Variants in VPS13C observed in about 807,000 individuals in gnomAD.
VPS13C encodes intermembrane lipid transfer protein VPS13C.
In VPS13C, 358 loss-of-function variants were observed where a neutral mutation model predicts 456.8. The observed-to-expected ratio is 0.78, with a 90% CI of 0.72 to 0.86. The LOEUF (loss-of-function observed/expected upper bound fraction) is 0.86. Among genes scored for constraint, VPS13C ranks in the 40% least tolerant of loss-of-function variants. The pLI is 0.00. For missense variants in VPS13C, 4,818 were observed against 4,385.4 expected (o/e 1.10, Z -2.79); for synonymous variants, 1,578 against 1,486.7 (o/e 1.06, Z -1.41).
At chr15:61,864,656 C>T in intron 81 of VPS13C, 1 of 985,378 alleles carries the variant, frequency 1.0e-6, no homozygotes, top group Non-Finnish European at 1.2e-6. Flanking sequence ...CATTCCTTGA[C>T]AATTGCAAAA....
chr15:61,917,418 C>T lies in VPS13C; in HGVS notation c.7978G>A (p.Val2660Ile). ...GGATAAAGATGAATAATGTAAGCTACATCCCAGTCTTCCCCATGTGTACAT... is the reference window on the plus strand; with the variant it reads ...GGATAAAGATGAATAATGTAAGCTATATCCCAGTCTTCCCCATGTGTACAT... ...YICTHGEDWD[V>I]AYIIHLYPSL... Residue 2660 changes from valine (V) to isoleucine (I), a missense_variant, in exon 60 of 85, where the codon GTA becomes ATA. Coordinates refer to ENST00000644861, the MANE Select transcript of VPS13C (RefSeq NM_020821.3). 1 of 1,613,954 alleles carries T rather than the reference C, an allele frequency of 6.2e-7. No individual in the cohort carries two copies. The highest frequency in any genetic ancestry group is 8.5e-7 in the Non-Finnish European group (1 of 1,179,876).
rs1302607668 is a variant in VPS13C, at chr15:61,947,293, G to A, written c.4776C>T (p.Ser1592=). 3.7e-6 allele frequency: 6 copies of A among 1,607,788 alleles called. No homozygotes were observed. Among genetic ancestry groups the A allele is most frequent in the Non-Finnish European group, 4.2e-6 (5 of 1,177,732 alleles). ...TCTTTAAATCAAACACATCCTTTTGGGAAATGTTGCTGGATACTAAAAAAT... is the reference window on the plus strand; with the variant it reads ...TCTTTAAATCAAACACATCCTTTTGAGAAATGTTGCTGGATACTAAAAAAT... The part of the protein sequence containing the change: ...IAVKAVSSNI[S]QKDVFDLKIT... The change falls in exon 43 of 85, where the codon TCC becomes TCT. Residue 1592 remains serine, a synonymous_variant. Transcript: ENST00000644861.
Position 62,023,502 on chromosome 15 carries a change from T to C in VPS13C, c.533A>G (p.Lys178Arg). The C allele has an allele frequency of 6.4e-7, 1 of 1,570,298 alleles. No individual in the cohort carries two copies. The highest frequency in any genetic ancestry group is 1.4e-5 in the African/African-American group (1 of 72,522). ...CAATTTTTCCACAAATGTATCCTTT[T>C]TGGCTTCTTTTGGCTTATCTATTAA... Reference protein sequence around the residue: ...DRSKDKPKEAKKDTFVEKLAT... With the variant: ...DRSKDKPKEARKDTFVEKLAT... The change falls in exon 8 of 85, where the codon AAA becomes AGA. Residue 178 changes from lysine (K) to arginine (R), a missense_variant. Coordinates refer to ENST00000644861, the MANE Select transcript of VPS13C (RefSeq NM_020821.3).
Position 61,907,293 on chromosome 15 carries a change from C to G in VPS13C, c.9076G>C (p.Ala3026Pro). Reference protein sequence around the residue: ...GTRKLTWTYAANVGEHDLLKD... With the variant: ...GTRKLTWTYAPNVGEHDLLKD... ...AACAGATCATGTTCCCCAACATTTG[C>G]TGCATATGTCCATGTAAGTTTTCTG... is the stretch of plus-strand genomic sequence containing the variant. Residue 3026 changes from alanine to proline, a missense_variant, in exon 66 of 85, where the codon GCA (alanine) becomes CCA (proline). This residue lies in a region of VPS13C where 4,552 missense variants were observed against 4,130.6 expected (regional missense o/e 1.10). Transcript: ENST00000644861. 1 of 1,613,946 alleles carries G rather than the reference C, an allele frequency of 6.2e-7. No homozygotes were observed. The highest frequency in any genetic ancestry group is 1.1e-5 in the South Asian group (1 of 91,084).
At chr15:61,962,249 CATAAAT>C (rs2045233417) in intron 34 of VPS13C, 116 bp downstream of exon 34, 9 of 856,132 alleles carry the variant, frequency 1.1e-5, no homozygotes, top group Non-Finnish European at 1.6e-5. Flanking sequence ...TACATTCACG[CATAAAT>C]ATAATTAAAA....
intron 14 of VPS13C, among the ~76,000 whole-genome samples, chr15:62,008,071 A>G (rs2046912386): frequency 6.6e-6 from 1 of 152,248 alleles, no homozygotes; most frequent in Non-Finnish European, 1.5e-5. Context: ...GTCTCTACTA[A>G]AAATACAAAA....
Position 61,950,401 on chromosome 15 carries a change from G to A in VPS13C, c.4553C>T (p.Pro1518Leu), listed in dbSNP as rs2044746832. Reference sequence around the variant, plus strand: ...ACTGTCATGAATAGTTTTAAATTCTGGTCCATCACTGTCTGCCTACAAATA... The same window carrying A: ...ACTGTCATGAATAGTTTTAAATTCTAGTCCATCACTGTCTGCCTACAAATA... Reference protein sequence around the residue: ...MLLTKADSDGPEFKTIHDSTK... With the variant: ...MLLTKADSDGLEFKTIHDSTK... Residue 1518 changes from proline (P) to leucine (L), a missense_variant, in exon 41 of 85, where the codon CCA becomes CTA. By Grantham distance (98) the Pro-to-Leu change is moderately conservative. This residue lies in a region of VPS13C where 4,552 missense variants were observed against 4,130.6 expected (regional missense o/e 1.10). Coordinates refer to ENST00000644861, the MANE Select transcript of VPS13C (RefSeq NM_020821.3). The A allele has an allele frequency of 6.2e-7, 1 of 1,611,596 alleles. No homozygotes were observed.
At position 61,867,228 on chromosome 15, in the gene VPS13C, A is replaced by C. The variant is rs1894656923; in HGVS notation, c.10863+1431T>G. The stretch of plus-strand genomic sequence containing the variant: ...TAATTATGAAATAAGCATAACCAAC[A>C]AGGAGATTCAATTTTTGAAAAGCAG... On this transcript the variant is annotated intron_variant, in intron 81 of 84. Transcript: ENST00000644861. This position sits in a 1 kb window ranked among gnomAD's most constrained non-coding sequence, Gnocchi z 5.0. 1 of 981,822 alleles carries C rather than the reference A, an allele frequency of 1.0e-6. No individual in the cohort carries two copies. The highest frequency in any genetic ancestry group is 1.2e-6 in the Non-Finnish European group (1 of 826,742). 60.8% of individuals were successfully genotyped at this position (981,822 alleles called of 1,614,324 possible). A position where few individuals can be genotyped will look rare whatever the true frequency, so the allele number is the denominator to read the frequency against.
At chr15:61,928,913 G>A (rs2043959964) in intron 51 of VPS13C, among the ~76,000 whole-genome samples, 1 of 151,286 alleles carries the variant, frequency 6.6e-6, no homozygotes, top group African/African-American at 2.4e-5. Flanking sequence ...AAGGAGAGAA[G>A]AGGAGAGGAG....
chr15:62,000,416 C>CT, intron 16 of VPS13C, 148 bp downstream of exon 16: 1 of 687,630 alleles, frequency 1.5e-6, no homozygotes, highest in Non-Finnish European at 2.4e-6. Flanking sequence ...ATATTAGTGG[C>CT]TTTTTTTCAG....
At chr15:61,976,019 C>T (rs1391843255) in intron 24 of VPS13C, among the ~76,000 whole-genome samples, 1 of 152,034 alleles carries the variant, frequency 6.6e-6, no homozygotes, top group Non-Finnish European at 1.5e-5. Flanking sequence ...CTTGTACACA[C>T]AGTTTGAAGG....
intron 9 of VPS13C, among the ~76,000 whole-genome samples, chr15:62,018,885 T>C (rs959370944): frequency 1.3e-5 from 2 of 152,228 alleles, no homozygotes; most frequent in Non-Finnish European, 2.9e-5. Flanking sequence ...CTTGTACCTC[T>C]GGTAGAATTC....
chr15:61,951,579 A>T (rs1429451238), intron 39 of VPS13C, among the ~76,000 whole-genome samples: 1 of 152,206 alleles, frequency 6.6e-6, no homozygotes, highest in Non-Finnish European at 1.5e-5. Flanking sequence ...AATCAAAAAG[A>T]AATGTTAAAA....
intron 22 of VPS13C, among the ~76,000 whole-genome samples, chr15:61,980,153 C>T (rs1197136580): frequency 2.3e-5 from 3 of 129,672 alleles, no homozygotes. Flanking sequence ...CACTGCACTC[C>T]AGCCTGGGTG....
At chr15:62,053,282 T>G (rs1366791004) in intron 1 of VPS13C, among the ~76,000 whole-genome samples, 3 of 152,316 alleles carry the variant, frequency 2.0e-5, no homozygotes, top group East Asian at 3.9e-4. Context: ...TACTGACATC[T>G]TTTATGTGTC....
At chr15:62,056,621 CT>C (rs1410080136) in intron 1 of VPS13C, among the ~76,000 whole-genome samples, 1 of 152,168 alleles carries the variant, frequency 6.6e-6, no homozygotes, top group Non-Finnish European at 1.5e-5. Context: ...TCCTCCACCT[CT>C]TGTGGAGGGC....
rs1320154995 is a variant in VPS13C, at chr15:61,853,481, G to A, written c.*976C>T. The A allele has an allele frequency of 6.6e-6, 1 of 152,144 alleles. No individual in the cohort carries two copies. Among genetic ancestry groups the A allele is most frequent in the Non-Finnish European group, 1.5e-5 (1 of 68,024 alleles). 9.4% of individuals were successfully genotyped at this position (152,144 alleles called of 1,614,324 possible). ...TTTTATGAATGCTACATTACAGAGG[G>A]CAGAGTGTAGCTATTTTAAGGTTTG... On this transcript the variant is annotated 3_prime_UTR_variant, in exon 85 of 85. Coordinates refer to ENST00000644861, the MANE Select transcript of VPS13C (RefSeq NM_020821.3).
chr15:61,926,382 G>A (rs2043850026), intron 52 of VPS13C, among the ~76,000 whole-genome samples: 4 of 152,330 alleles, frequency 2.6e-5, no homozygotes, highest in South Asian at 4.1e-4. Flanking sequence ...GCTAGGTGAC[G>A]GAGTGAGACC....
Position 62,034,972 on chromosome 15 carries a change from C to G in VPS13C, c.268G>C (p.Val90Leu). 1 of 1,592,958 alleles carries G rather than the reference C, an allele frequency of 6.3e-7. No homozygotes were observed. The highest frequency in any genetic ancestry group is 8.6e-7 in the Non-Finnish European group (1 of 1,168,666). The change falls in exon 4 of 85, where the codon GTT (valine) becomes CTT (leucine). Residue 90 changes from valine to leucine, a missense_variant. Transcript: ENST00000644861. ...VATLEGLYLL[V>L]VPGASIKYDA... ...AATAACATACTTGCTCCAGGGACAA[C>G]AAGCAGGTATAATCCTTCCAGGGTC...
Sources: allele counts gnomAD v4.1 joint callset (sites outside exome capture counted in the v4.1 genomes callset), GRCh38; gene constraint gnomAD v4.1.1; regional missense constraint gnomAD v4.1.1; non-coding constraint Gnocchi (gnomAD v3.1); transcripts MANE v1.5; gene names NCBI Gene and HGNC (gene_info 2026-07-23, HGNC 2026-07-21).